FHOD3: variants seen among roughly 807,000 people sequenced by gnomAD.
FHOD3 encodes formin homology 2 domain containing 3.
FHOD3 carries 90 observed loss-of-function variants against 173.0 expected under a neutral mutation model. That is an observed-to-expected ratio of 0.52 (90% CI 0.44 to 0.62). The LOEUF is 0.62. FHOD3 is among the 20% of genes least tolerant of loss of function. The pLI is 0.00. For missense variants in FHOD3, 1,945 were observed against 2,034.7 expected (o/e 0.96, Z 0.85); for synonymous variants, 828 against 823.0 (o/e 1.01, Z -0.10).
At chr18:36,761,941 C>T (rs1271170575) in intron 27 of FHOD3, among the ~76,000 whole-genome samples, 2 of 151,992 alleles carry the variant, frequency 1.3e-5, no homozygotes, top group Non-Finnish European at 2.9e-5. Flanking sequence ...TGTGGGTTGC[C>T]ATACACATCA....
chr18:36,703,004 G>A (rs1199181444), intron 17 of FHOD3, among the ~76,000 whole-genome samples: 5 of 152,158 alleles, frequency 3.3e-5, no homozygotes, highest in East Asian at 3.9e-4. Context: ...AGGTCCTGTT[G>A]GTCAGAGGGT....
chr18:36,521,443 C>A (rs763685853), intron 5 of FHOD3, among the ~76,000 whole-genome samples: 86 of 152,328 alleles, frequency 5.6e-4, no homozygotes, highest in Middle Eastern at 6.8e-3. Flanking sequence ...ATCATCCCAA[C>A]AAAGCGTAAT....
At chr18:36,417,282 A>T (rs142117101) in intron 3 of FHOD3, among the ~76,000 whole-genome samples, 141 of 152,082 alleles carry the variant, frequency 9.3e-4, no homozygotes, top group African/African-American at 3.2e-3. Context: ...ATGTGTTCTC[A>T]TCATTTAGCT....
intron 3 of FHOD3, among the ~76,000 whole-genome samples, chr18:36,375,728 G>A (rs1263371970): frequency 1.3e-5 from 2 of 152,214 alleles, no homozygotes; most frequent in African/African-American, 2.4e-5. Flanking sequence ...GCTCTGCTTC[G>A]ATGGTTACAG....
intron 1 of FHOD3, among the ~76,000 whole-genome samples, chr18:36,318,154 G>T (rs1023900104): frequency 6.6e-6 from 1 of 152,178 alleles, no homozygotes; most frequent in African/African-American, 2.4e-5. Flanking sequence ...AAGTCAGGTA[G>T]CGTGATGCCT....
chr18:36,482,181 G>A (rs1323989345), intron 3 of FHOD3, among the ~76,000 whole-genome samples: 1 of 152,104 alleles, frequency 6.6e-6, no homozygotes, highest in African/African-American at 2.4e-5. Flanking sequence ...AAGGTCTTGG[G>A]GATACAGCAG....
chr18:36,760,507 A>G, intron 26 of FHOD3, 101 bp from the exon 27 acceptor site: 2 of 1,151,998 alleles, frequency 1.7e-6, no homozygotes, highest in Non-Finnish European at 2.4e-6. Context: ...AAACAAAACA[A>G]GACAGAGGAG....
At chr18:36,603,651 G>A (rs564925478) in intron 8 of FHOD3, among the ~76,000 whole-genome samples, 3 of 151,904 alleles carry the variant, frequency 2.0e-5, no homozygotes, top group African/African-American at 4.8e-5. Flanking sequence ...TTACAGGCAC[G>A]TGCCACCATG....
intron 14 of FHOD3, among the ~76,000 whole-genome samples, chr18:36,664,111 G>C (rs1305757861): frequency 6.6e-6 from 1 of 152,124 alleles, no homozygotes. Context: ...GTGGAATTGA[G>C]AGCCACATTG....
intron 27 of FHOD3, among the ~76,000 whole-genome samples, chr18:36,763,692 GTA>G (rs914180696): frequency 2.7e-5 from 4 of 150,056 alleles, no homozygotes; most frequent in African/African-American, 9.8e-5. Context: ...ATTTCTGTGT[GTA>G]TATATATATG....
At chr18:36,765,760 G>A (rs1436356532) in intron 27 of FHOD3, among the ~76,000 whole-genome samples, 1 of 152,084 alleles carries the variant, frequency 6.6e-6, no homozygotes, top group Non-Finnish European at 1.5e-5. Context: ...TCAAAGGCAG[G>A]TTAATAGAAA....
intron 3 of FHOD3, among the ~76,000 whole-genome samples, chr18:36,458,574 G>T (rs2052360201): frequency 6.6e-6 from 1 of 151,856 alleles, no homozygotes; most frequent in Admixed American, 6.6e-5. Context: ...CCCTCCATTG[G>T]CCTGTGGATC....
chr18:36,779,516 G>C lies in FHOD3; in HGVS notation c.4855G>C (p.Glu1619Gln). 1 of 1,614,188 alleles carries C rather than the reference G, an allele frequency of 6.2e-7. No homozygotes were observed. Among genetic ancestry groups the C allele is most frequent in the Non-Finnish European group, 8.5e-7 (1 of 1,180,038 alleles). Residue 1619 changes from glutamate to glutamine, a missense_variant, in exon 29 of 29, where the codon GAG (glutamate) becomes CAG (glutamine). Transcript: ENST00000590592. The part of the protein sequence containing the change: ...ARALGLVGTS[E>Q]LQL ...AGCCCTGGGCTTGGTTGGCACCTCGGAGTTGCAGCTGTGACACTCATAGGT... is the reference window on the plus strand; with the variant it reads ...AGCCCTGGGCTTGGTTGGCACCTCGCAGTTGCAGCTGTGACACTCATAGGT...
intron 3 of FHOD3, among the ~76,000 whole-genome samples, chr18:36,400,046 G>A (rs913554393): frequency 6.6e-6 from 1 of 152,188 alleles, no homozygotes; most frequent in Non-Finnish European, 1.5e-5. Flanking sequence ...GATCCTGGCC[G>A]CAGACATCTA....
intron 23 of FHOD3, among the ~76,000 whole-genome samples, chr18:36,746,491 A>T (rs1264078597): frequency 6.6e-6 from 1 of 152,222 alleles, no homozygotes; most frequent in African/African-American, 2.4e-5. Flanking sequence ...GATCATCACG[A>T]AGAGAAGCTG....
chr18:36,604,896 T>C (rs2047273), intron 8 of FHOD3, among the ~76,000 whole-genome samples: 60,955 of 152,080 alleles, frequency 0.4, 13,425 homozygotes, highest in African/African-American at 0.59. Context: ...ATATTATGAA[T>C]TCAGTAGAAA....
intron 3 of FHOD3, among the ~76,000 whole-genome samples, chr18:36,492,515 G>T (rs1267437811): frequency 6.6e-6 from 1 of 152,152 alleles, no homozygotes. Context: ...TAAACCAACG[G>T]CTGAGACTGT....
At chr18:36,779,110 C>CT in intron 28 of FHOD3, 1 of 332,508 alleles carries the variant, frequency 3.0e-6, no homozygotes, top group Middle Eastern at 8.9e-4. Flanking sequence ...CTCCTGCCCT[C>CT]TGCACTTCTG....
intron 5 of FHOD3, among the ~76,000 whole-genome samples, chr18:36,553,616 A>G (rs1005257556): frequency 2.0e-5 from 3 of 152,154 alleles, no homozygotes; most frequent in Non-Finnish European, 2.9e-5. Context: ...AGAGGTGTTT[A>G]TAGTATTCTC....
Sources: allele counts gnomAD v4.1 joint callset (sites outside exome capture counted in the v4.1 genomes callset), GRCh38; gene constraint gnomAD v4.1.1; transcripts MANE v1.5; gene names NCBI Gene and HGNC (gene_info 2026-07-23, HGNC 2026-07-21).